CAMSAP2: variants seen among roughly 807,000 people sequenced by gnomAD.
CAMSAP2 encodes the protein calmodulin-regulated spectrin-associated protein 2.
In CAMSAP2, 26 loss-of-function variants were observed where a neutral mutation model predicts 146.1. That is an observed-to-expected ratio of 0.18 (90% CI 0.13 to 0.25). The LOEUF (loss-of-function observed/expected upper bound fraction) is 0.25. Ranked by LOEUF, CAMSAP2 falls within the 10% of genes least tolerant of loss-of-function variation. CAMSAP2 has a pLI of 1.00. For synonymous variants in CAMSAP2, 499 were observed against 596.6 expected (o/e 0.84, Z 2.38); for missense variants, 1,381 against 1,759.3 (o/e 0.78, Z 3.85).
intron 1 of CAMSAP2, among the ~76,000 whole-genome samples, chr1:200,740,957 T>C (rs973199775): frequency 4.6e-5 from 7 of 152,250 alleles, no homozygotes; most frequent in Non-Finnish European, 8.8e-5. Flanking sequence ...GAAATATTTG[T>C]TGAAAAGTTC....
chr1:200,848,898 A>G lies in CAMSAP2; in HGVS notation c.2129A>G (p.Gln710Arg). 1.2e-6 allele frequency: 2 copies of G among 1,614,202 alleles called. No homozygotes were observed. The highest frequency in any genetic ancestry group is 2.2e-5 in the East Asian group (1 of 44,884). The change falls in exon 11 of 17, where the codon CAA becomes CGA. Residue 710 changes from glutamine to arginine, a missense_variant. Gln to Arg is a conservative substitution (Grantham distance 43, BLOSUM62 1). This residue lies in a region of CAMSAP2 where 447 missense variants were observed against 462.2 expected (regional missense o/e 0.97). Coordinates refer to ENST00000358823, the MANE Select transcript of CAMSAP2 (RefSeq NM_203459.4). Reference protein sequence around the residue: ...TDGKSSGSSSQKTTPEGSELN... With the variant: ...TDGKSSGSSSRKTTPEGSELN... ...GGAAAAAGTAGTGGAAGCAGTTCTC[A>G]AAAAACTACACCAGAAGGCTCTGAA... is the stretch of plus-strand genomic sequence containing the variant.
At chr1:200,834,254 T>C (rs1271441821) in intron 6 of CAMSAP2, among the ~76,000 whole-genome samples, 1 of 151,902 alleles carries the variant, frequency 6.6e-6, no homozygotes, top group Non-Finnish European at 1.5e-5. Context: ...TCCCAGCTAC[T>C]TGGGAGGCTG....
Position 200,848,289 on chromosome 1 carries a change from A to G in CAMSAP2, c.1520A>G (p.Asn507Ser), listed in dbSNP as rs999559295. Reference protein sequence around the residue: ...DLKSCVPLNTNELNSNENIHY... With the variant: ...DLKSCVPLNTSELNSNENIHY... ...AAATCTTGTGTGCCCCTTAACACAA[A>G]TGAACTAAATTCTAATGAGAATATT... is the stretch of plus-strand genomic sequence containing the variant. Residue 507 changes from asparagine to serine, a missense_variant, in exon 11 of 17, where the codon AAT (asparagine) becomes AGT (serine). Physicochemically the swap from Asn to Ser is conservative, Grantham distance 46. Coordinates refer to ENST00000358823, the MANE Select transcript of CAMSAP2 (RefSeq NM_203459.4). 1 of 1,613,458 alleles carries G rather than the reference A, an allele frequency of 6.2e-7. No homozygotes were observed. Among genetic ancestry groups the G allele is most frequent in the Non-Finnish European group, 8.5e-7 (1 of 1,179,738 alleles).
chr1:200,742,845 T>TAA (rs57616707), intron 1 of CAMSAP2, among the ~76,000 whole-genome samples: 23 of 149,678 alleles, frequency 1.5e-4, no homozygotes, highest in Admixed American at 4.7e-4. Flanking sequence ...TAATTGAACT[T>TAA]AAAAAAAAAA....
intron 2 of CAMSAP2, among the ~76,000 whole-genome samples, chr1:200,797,841 T>C (rs1227920980): frequency 7.1e-6 from 1 of 140,184 alleles, no homozygotes; most frequent in Non-Finnish European, 1.5e-5. Context: ...CTTGAATTGA[T>C]TTTTGTATAA....
At chr1:200,850,375 A>G (rs1667589946) in intron 11 of CAMSAP2, 141 bp downstream of exon 11, 1 of 680,540 alleles carries the variant, frequency 1.5e-6, no homozygotes, top group Non-Finnish European at 2.4e-6. Flanking sequence ...TAACTATAGT[A>G]ACATTCAAGC....
intron 10 of CAMSAP2, 56 bp from the exon 11 acceptor site, chr1:200,847,976 T>C (rs1294174300): frequency 1.7e-6 from 2 of 1,155,644 alleles, no homozygotes; most frequent in Non-Finnish European, 2.4e-6. Context: ...TGTTAAATGA[T>C]ACTAAAAATC....
Position 200,760,736 on chromosome 1 carries a change from G to C in CAMSAP2, c.140-103G>C, listed in dbSNP as rs1368516028. The C allele has an allele frequency of 8.4e-6, 7 of 833,268 alleles. No homozygotes were observed. In the South Asian group the frequency reaches 1.4e-4, roughly 17 times the overall value. 51.6% of individuals were successfully genotyped at this position (833,268 alleles called of 1,614,324 possible). ...TTAAAGGGTTATTGCTATATTTTTA[G>C]AGGGAATCTTAAATTCTATGACATA... is the stretch of plus-strand genomic sequence containing the variant. On this transcript the variant is annotated intron_variant, in intron 1 of 16. Transcript: ENST00000358823.
intron 6 of CAMSAP2, among the ~76,000 whole-genome samples, chr1:200,841,393 C>G (rs945938359): frequency 1.3e-5 from 2 of 152,232 alleles, no homozygotes; most frequent in East Asian, 3.9e-4. Flanking sequence ...ATTACAGGCA[C>G]GCGCCACCAC....
chr1:200,812,359 C>G (rs1293264167), intron 3 of CAMSAP2, among the ~76,000 whole-genome samples: 1 of 152,142 alleles, frequency 6.6e-6, no homozygotes, highest in Admixed American at 6.5e-5. Flanking sequence ...GAAATCTACA[C>G]AAAATTAAGG....
rs1306757999 is a variant in CAMSAP2 at position 200,739,819 on chromosome 1, C to T, written c.-9C>T. 4 of 1,612,974 alleles carry T rather than the reference C, an allele frequency of 2.5e-6. No individual in the cohort carries two copies. Among genetic ancestry groups the T allele is most frequent in the Non-Finnish European group, 3.4e-6 (4 of 1,179,360 alleles). ...AGGGCCGGGACATCCCGAGGAGCCG[C>T]GGTGAAAGATGGGGGATGCTGCAGA... On this transcript the variant is annotated 5_prime_UTR_variant, in exon 1 of 17. Transcript: ENST00000358823. This position sits in a 1 kb window ranked among gnomAD's most constrained non-coding sequence, Gnocchi z 4.8.
intron 2 of CAMSAP2, among the ~76,000 whole-genome samples, chr1:200,772,911 T>A (rs1665156271): frequency 6.6e-6 from 1 of 152,242 alleles, no homozygotes; most frequent in South Asian, 2.1e-4. Flanking sequence ...TATTTCCTAA[T>A]TCAAAACTTT....
chr1:200,751,535 C>CA (rs35294926), intron 1 of CAMSAP2, among the ~76,000 whole-genome samples: 13,682 of 40,904 alleles, frequency 0.33, 2,686 homozygotes, highest in Non-Finnish European at 0.42. Context: ...GACTCCATCT[C>CA]AAAAAAAAAA....
chr1:200,818,869 A>G (rs751511182), intron 4 of CAMSAP2, among the ~76,000 whole-genome samples: 6 of 152,106 alleles, frequency 3.9e-5, no homozygotes, highest in Non-Finnish European at 5.9e-5. Context: ...CTTTCCATCT[A>G]CTTCAGTCAG....
At chr1:200,741,259 T>A (rs1173702514) in intron 1 of CAMSAP2, among the ~76,000 whole-genome samples, 1 of 152,220 alleles carries the variant, frequency 6.6e-6, no homozygotes, top group Non-Finnish European at 1.5e-5. Context: ...GATATTAAGC[T>A]GGCATCAGGA....
intron 1 of CAMSAP2, 110 bp downstream of exon 1, chr1:200,740,076 G>C (rs1410214286): frequency 8.3e-7 from 1 of 1,199,976 alleles, no homozygotes; most frequent in African/African-American, 1.5e-5. Context: ...TTCTCGTACA[G>C]GTTAAGGGAG....
intron 1 of CAMSAP2, among the ~76,000 whole-genome samples, chr1:200,743,555 G>A (rs543519703): frequency 7.9e-5 from 12 of 151,504 alleles, no homozygotes; most frequent in African/African-American, 2.9e-4. Context: ...CTGTGTCTTT[G>A]ACTTTGTAGT....
At chr1:200,821,782 A>T (rs1260602466) in intron 4 of CAMSAP2, among the ~76,000 whole-genome samples, 1 of 152,202 alleles carries the variant, frequency 6.6e-6, no homozygotes, top group Non-Finnish European at 1.5e-5. Flanking sequence ...CATTTATTAT[A>T]GTTAAGAGAA....
At position 200,806,769 on chromosome 1, in the gene CAMSAP2, C is replaced by T. The variant is rs61827520; in HGVS notation, c.400-607C>T. Reference sequence around the variant, plus strand: ...TGTGTGTGTGTGTGTGTGTGTGTATCTATCTATCTATCTATCTATCTATCT... The same window carrying T: ...TGTGTGTGTGTGTGTGTGTGTGTATTTATCTATCTATCTATCTATCTATCT... On this transcript the variant is annotated intron_variant, in intron 2 of 16. Transcript: ENST00000358823. Among the ~76,000 whole-genome samples, 147 of 42,076 alleles carry T rather than the reference C, an allele frequency of 3.5e-3. 1 individual carries two copies. Among genetic ancestry groups the T allele is most frequent in the Non-Finnish European group, 9.1e-3 (118 of 12,994 alleles). 27.6% of individuals were successfully genotyped at this position (42,076 alleles called of 152,430 possible).
Sources: gnomAD v4.1 joint callset for allele counts (sites outside exome capture counted in the v4.1 genomes callset) on GRCh38, gnomAD v4.1.1 for gene constraint, gnomAD v4.1.1 regional missense constraint, Gnocchi (gnomAD v3.1) non-coding constraint, MANE v1.5 for transcripts, NCBI Gene and HGNC (gene_info 2026-07-23, HGNC 2026-07-21) for gene names.